CFAP52: variants seen among roughly 807,000 people sequenced by gnomAD.
The protein encoded by CFAP52 is cilia and flagella associated protein 52, also known as cilia- and flagella-associated protein 52.
A neutral mutation model predicts 70.5 loss-of-function variants in CFAP52; 57 were observed. The observed-to-expected ratio is 0.81, with a 90% CI of 0.65 to 1.01. The LOEUF (loss-of-function observed/expected upper bound fraction) is 1.01, where lower values mean the gene tolerates loss of function less well. Among genes scored for constraint, CFAP52 ranks in the 50% least tolerant of loss-of-function variants. The pLI is 0.00. For synonymous variants in CFAP52, 267 were observed against 292.5 expected (o/e 0.91, Z 0.89); for missense variants, 785 against 788.5 (o/e 1.00, Z 0.05).
intron 1 of CFAP52, among the ~76,000 whole-genome samples, chr17:9,577,267 G>A (rs1022250341): frequency 1.3e-5 from 2 of 152,214 alleles, no homozygotes; most frequent in Non-Finnish European, 2.9e-5. Flanking sequence ...CCCCTGAGGG[G>A]ATGTTGTTGG....
At chr17:9,596,366 G>T (rs2151934185) in intron 4 of CFAP52, among the ~76,000 whole-genome samples, 1 of 151,922 alleles carries the variant, frequency 6.6e-6, no homozygotes, top group Non-Finnish European at 1.5e-5. Context: ...CTCCCAAAGG[G>T]CTAGGATTTA....
intron 12 of CFAP52, 93 bp from the exon 13 acceptor site, chr17:9,641,631 C>T: frequency 9.1e-6 from 8 of 880,076 alleles, no homozygotes; most frequent in South Asian, 3.1e-5. Flanking sequence ...TTTTTGCTCC[C>T]TTCTATATAA....
chr17:9,634,001 G>T (rs571009052), intron 10 of CFAP52, among the ~76,000 whole-genome samples: 1 of 152,098 alleles, frequency 6.6e-6, no homozygotes, highest in Admixed American at 6.6e-5. Context: ...TTTAAAGCAG[G>T]TGATGGTTTT....
chr17:9,597,823 GAGAGAGAAAGAGAGAA>G (rs1241346813), intron 4 of CFAP52, among the ~76,000 whole-genome samples: 2 of 150,802 alleles, frequency 1.3e-5, no homozygotes, highest in African/African-American at 4.9e-5. Context: ...GAGAGAGAGA[GAGAGAGAAAGAGAGAA>G]AGAGAGAGAG....
chr17:9,608,199 C>T lies in CFAP52; in HGVS notation c.834C>T (p.Ser278=). Residue 278 remains serine, a synonymous_variant, in exon 7 of 14, where the codon AGC becomes AGT. Coordinates refer to ENST00000352665, the MANE Select transcript of CFAP52 (RefSeq NM_145054.5). ...SGAGLLVFCK[S]PGYKPIKKIQ... ...CCGGACTGCTGGTCTTCTGTAAAAG[C>T]CCTGGCTACAAACCCATCAAGTAAG... 6.2e-7 allele frequency: 1 copy of T among 1,610,424 alleles called. No individual in the cohort carries two copies. Among genetic ancestry groups the T allele is most frequent in the Non-Finnish European group, 8.5e-7 (1 of 1,177,892 alleles).
chr17:9,630,344 G>C (rs1315234329), intron 9 of CFAP52, among the ~76,000 whole-genome samples: 1 of 149,328 alleles, frequency 6.7e-6, no homozygotes, highest in African/African-American at 2.4e-5. Context: ...TTTGGAGGCC[G>C]AGGCGTGAGC....
chr17:9,622,732 C>T (rs1910093379), intron 8 of CFAP52, among the ~76,000 whole-genome samples: 1 of 152,040 alleles, frequency 6.6e-6, no homozygotes, highest in African/African-American at 2.4e-5. Flanking sequence ...ATGCAAAATA[C>T]ATAAATCATA....
chr17:9,622,144 T>C (rs899250490), intron 8 of CFAP52, among the ~76,000 whole-genome samples: 6 of 152,212 alleles, frequency 3.9e-5, no homozygotes, highest in African/African-American at 1.2e-4. Flanking sequence ...TTGAAATTAT[T>C]TGGAATTCTA....
intron 1 of CFAP52, chr17:9,584,397 A>G: frequency 2.4e-6 from 3 of 1,263,252 alleles, no homozygotes; most frequent in Non-Finnish European, 3.1e-6. Context: ...TGAAACCGAA[A>G]GTTAAAAAAA....
intron 3 of CFAP52, among the ~76,000 whole-genome samples, chr17:9,593,896 C>G (rs549088236): frequency 6.1e-4 from 93 of 151,942 alleles, no homozygotes; most frequent in African/African-American, 2.2e-3. Context: ...ATCCAGGAGG[C>G]GGAGGTTGCA....
At chr17:9,631,048 G>GGA (rs1910491012) in intron 9 of CFAP52, among the ~76,000 whole-genome samples, 1 of 19,788 alleles carries the variant, frequency 5.1e-5, no homozygotes, top group Non-Finnish European at 1.4e-4. Flanking sequence ...GAGAGAGAGA[G>GGA]AGAGAGAAAG....
Position 9,598,349 on chromosome 17 carries a change from A to C in CFAP52, c.636+16A>C, listed in dbSNP as rs770653745. On this transcript the variant is annotated intron_variant, in intron 5 of 13. Transcript: ENST00000352665. ...GAGTATTGGAGTAAGTATTAATTTA[A>C]GTATTAAGTAACAATTAGCACACGT... is the stretch of plus-strand genomic sequence containing the variant. The C allele has an allele frequency of 6.3e-7, 1 of 1,597,082 alleles. No homozygotes were observed. Among genetic ancestry groups the C allele is most frequent in the Admixed American group, 1.7e-5 (1 of 59,218 alleles).
chr17:9,584,563 T>C (rs1045120031), intron 1 of CFAP52, among the ~76,000 whole-genome samples: 1 of 151,822 alleles, frequency 6.6e-6, no homozygotes, highest in African/African-American at 2.4e-5. Flanking sequence ...TTTTTGTGTG[T>C]GATGAAAACA....
intron 9 of CFAP52, among the ~76,000 whole-genome samples, chr17:9,629,196 T>A (rs1365223052): frequency 6.6e-6 from 1 of 152,220 alleles, no homozygotes; most frequent in African/African-American, 2.4e-5. Flanking sequence ...CAAAGGGAAT[T>A]TATTTTTAAC....
At chr17:9,630,797 C>A (rs913575647) in intron 9 of CFAP52, among the ~76,000 whole-genome samples, 6 of 149,742 alleles carry the variant, frequency 4.0e-5, no homozygotes, top group African/African-American at 9.8e-5. Context: ...AACAGCCTGA[C>A]CAATATGGTG....
intron 3 of CFAP52, among the ~76,000 whole-genome samples, chr17:9,593,921 C>A (rs943031326): frequency 6.6e-6 from 1 of 151,998 alleles, no homozygotes; most frequent in African/African-American, 2.4e-5. Flanking sequence ...GCAGAGATGG[C>A]GCCATTGCAC....
intron 7 of CFAP52, among the ~76,000 whole-genome samples, 157 bp downstream of exon 7, chr17:9,608,376 CTTCT>C (rs888977540): frequency 1.3e-5 from 2 of 152,192 alleles, no homozygotes; most frequent in African/African-American, 4.8e-5. Context: ...TAGATGGTGG[CTTCT>C]TTGTCAACGA....
intron 1 of CFAP52, among the ~76,000 whole-genome samples, chr17:9,577,002 C>A (rs1032118629): frequency 6.6e-6 from 1 of 152,180 alleles, no homozygotes; most frequent in Non-Finnish European, 1.5e-5. Context: ...CTCGGACAAG[C>A]GCCAGCACCT....
chr17:9,640,270 C>G (rs1181345738), intron 12 of CFAP52, among the ~76,000 whole-genome samples: 1 of 144,676 alleles, frequency 6.9e-6, no homozygotes, highest in Non-Finnish European at 1.5e-5. Flanking sequence ...GGTACATGTG[C>G]AGGATGTGCA....
Sources: gnomAD v4.1 joint callset for allele counts (sites outside exome capture counted in the v4.1 genomes callset) on GRCh38, gnomAD v4.1.1 for gene constraint, MANE v1.5 for transcripts, NCBI Gene and HGNC (gene_info 2026-07-23, HGNC 2026-07-21) for gene names.